MED12L: variants seen among roughly 807,000 people sequenced by gnomAD.
MED12L encodes the protein mediator of RNA polymerase II transcription subunit 12-like protein.
MED12L carries 60 observed loss-of-function variants against 281.3 expected under a neutral mutation model. The observed-to-expected ratio is 0.21, with a 90% CI of 0.17 to 0.26. The LOEUF (loss-of-function observed/expected upper bound fraction) is 0.26, where lower values mean the gene tolerates loss of function less well. Among genes scored for constraint, MED12L ranks in the 10% least tolerant of loss-of-function variants. The pLI is 1.00. For missense variants in MED12L, 2,146 were observed against 2,680.9 expected, an observed-to-expected ratio of 0.80 and a Z score of 4.41; for synonymous variants, 974 against 987.2, an observed-to-expected ratio of 0.99 and a Z score of 0.25.
In MED12L at chr3:151,388,190, G is replaced by A. The variant is rs1713714322; in HGVS notation, c.5451+18G>A. 1.3e-6 allele frequency: 2 copies of A among 1,574,954 alleles called. No homozygotes were observed. The highest frequency in any genetic ancestry group is 1.7e-6 in the Non-Finnish European group (2 of 1,167,140). The stretch of plus-strand genomic sequence containing the variant: ...GAGTTGATGTAAGTGGGGAAAGGAA[G>A]GAGAACCTTGGCTCATTAGCATTTA... On this transcript the variant is annotated intron_variant, in intron 37 of 44. Transcript: ENST00000687756.
Position 151,159,893 on chromosome 3 carries a change from G to T in MED12L, c.899G>T (p.Arg300Leu). The T allele has an allele frequency of 6.2e-7, 1 of 1,614,092 alleles. No individual in the cohort carries two copies. Among genetic ancestry groups the T allele is most frequent in the Non-Finnish European group, 8.5e-7 (1 of 1,180,000 alleles). ...LSRRLAYFCA[R>L]RLSLLLSDSP... ...CGTCGTCTTGCCTACTTTTGTGCCCGGCGTCTTTCCTTGCTGCTGAGCGAT... is the reference window on the plus strand; with the variant it reads ...CGTCGTCTTGCCTACTTTTGTGCCCTGCGTCTTTCCTTGCTGCTGAGCGAT... The change falls in exon 8 of 45, where the codon CGG becomes CTG. Residue 300 changes from arginine to leucine, a missense_variant. Physicochemically the swap from Arg to Leu is moderately radical, Grantham distance 102. Transcript: ENST00000687756.
chr3:151,369,106 A>G (rs897081618), intron 25 of MED12L, among the ~76,000 whole-genome samples: 18 of 152,204 alleles, frequency 1.2e-4, no homozygotes, highest in Non-Finnish European at 2.6e-4. Flanking sequence ...TAAGAATTTT[A>G]GGGGCGTTGG....
At chr3:151,180,002 T>C (rs1242792366) in intron 11 of MED12L, among the ~76,000 whole-genome samples, 2 of 152,194 alleles carry the variant, frequency 1.3e-5, no homozygotes, top group Non-Finnish European at 2.9e-5. Flanking sequence ...TTTTATGATA[T>C]TTAAGAAATA....
chr3:151,433,897 G>A lies in MED12L; in HGVS notation c.*1093G>A, dbSNP rs920714057. On this transcript the variant is annotated 3_prime_UTR_variant, in exon 45 of 45. Transcript: ENST00000687756. ...TTATAAATTGGTGCAAAAAGCACAA[G>A]TAAATTATACATCAAATTTATTATA... is the stretch of plus-strand genomic sequence containing the variant. 2 of 152,642 alleles carry A rather than the reference G, an allele frequency of 1.3e-5. No homozygotes were observed. Among genetic ancestry groups the A allele is most frequent in the Non-Finnish European group, 2.9e-5 (2 of 68,032 alleles). The allele number at this position is 152,642 out of a possible 1,614,324, so 9.5% of individuals were successfully genotyped here. A position where few individuals can be genotyped will look rare whatever the true frequency, so the allele number is the denominator to read the frequency against.
At chr3:151,183,862 T>C (rs1256096548) in intron 11 of MED12L, among the ~76,000 whole-genome samples, 2 of 152,244 alleles carry the variant, frequency 1.3e-5, no homozygotes, top group African/African-American at 2.4e-5. Context: ...AGCATATTAC[T>C]GCTTAGATTA....
chr3:151,419,855 G>T (rs1474742881), intron 43 of MED12L, among the ~76,000 whole-genome samples: 4 of 152,098 alleles, frequency 2.6e-5, no homozygotes, highest in Non-Finnish European at 5.9e-5. Context: ...TAAAGGAAAA[G>T]GAAATAAAAT....
At chr3:151,372,323 A>T (rs1304427207) in intron 26 of MED12L, among the ~76,000 whole-genome samples, 1 of 152,212 alleles carries the variant, frequency 6.6e-6, no homozygotes, top group African/African-American at 2.4e-5. Context: ...TGGTGAAACT[A>T]TAATTATACA....
chr3:151,432,205 C>G (rs556310017), intron 44 of MED12L, among the ~76,000 whole-genome samples: 2 of 152,204 alleles, frequency 1.3e-5, no homozygotes, highest in Non-Finnish European at 1.5e-5. Flanking sequence ...TATCTACTGA[C>G]CATTCCTTGT....
intron 16 of MED12L, among the ~76,000 whole-genome samples, chr3:151,285,676 C>A (rs1577232323): frequency 1.3e-5 from 2 of 151,620 alleles, no homozygotes; most frequent in East Asian, 3.9e-4. Flanking sequence ...CCCCAAAAAC[C>A]TATTGAAATA....
chr3:151,348,375 TATATC>T (rs1752814665), intron 16 of MED12L, among the ~76,000 whole-genome samples: 1 of 111,670 alleles, frequency 9.0e-6, no homozygotes, highest in Non-Finnish European at 1.9e-5. Context: ...AAAAAAGAAA[TATATC>T]AGTAATTCTC....
chr3:151,256,068 A>G (rs923296479), intron 16 of MED12L, among the ~76,000 whole-genome samples: 3 of 152,232 alleles, frequency 2.0e-5, no homozygotes, highest in African/African-American at 7.2e-5. Context: ...AACATATGCT[A>G]GATAGAAATA....
At chr3:151,104,779 A>G (rs1392125888) in intron 2 of MED12L, among the ~76,000 whole-genome samples, 1 of 152,178 alleles carries the variant, frequency 6.6e-6, no homozygotes, top group Non-Finnish European at 1.5e-5. Context: ...TGAAGCCTCT[A>G]GTGCAGGACC....
intron 16 of MED12L, chr3:151,300,228 A>C (rs1745718601): frequency 6.7e-6 from 5 of 749,882 alleles, no homozygotes; most frequent in Non-Finnish European, 1.2e-5. Flanking sequence ...TGAGGAAAAA[A>C]TCATCTGGGA....
intron 16 of MED12L, among the ~76,000 whole-genome samples, chr3:151,331,479 A>G (rs1048867382): frequency 6.6e-6 from 1 of 152,224 alleles, no homozygotes; most frequent in African/African-American, 2.4e-5. Context: ...CAGTGTTGTT[A>G]AAAGAATAAA....
intron 16 of MED12L, among the ~76,000 whole-genome samples, chr3:151,292,065 A>T (rs1295277326): frequency 6.6e-6 from 1 of 152,232 alleles, no homozygotes; most frequent in Non-Finnish European, 1.5e-5. Context: ...GAATGAAAGG[A>T]TTAAATGAGA....
Position 151,213,713 on chromosome 3 carries a change from A to G in MED12L, c.2250+20047A>G, listed in dbSNP as rs898201177. Reference sequence around the variant, plus strand: ...GTGATAGCAGTATAGAAAACGATTAACAAAAGAAACACAATCCAGAAGATG... The same window carrying G: ...GTGATAGCAGTATAGAAAACGATTAGCAAAAGAAACACAATCCAGAAGATG... On this transcript the variant is annotated intron_variant, in intron 16 of 44. Coordinates refer to ENST00000687756, the MANE Select transcript of MED12L (RefSeq NM_001393769.1). 3 of 1,614,088 alleles carry G rather than the reference A, an allele frequency of 1.9e-6. No individual in the cohort carries two copies. The African/African-American group carries it at 4.0e-5, about 22-fold the overall frequency.
At chr3:151,088,940 G>A (rs1719655274) in intron 2 of MED12L, among the ~76,000 whole-genome samples, 1 of 152,150 alleles carries the variant, frequency 6.6e-6, no homozygotes, top group Non-Finnish European at 1.5e-5. Context: ...CAAGCAGACA[G>A]AGTTATGTGT....
At chr3:151,286,746 A>G (rs1743562053) in intron 16 of MED12L, among the ~76,000 whole-genome samples, 1 of 152,238 alleles carries the variant, frequency 6.6e-6, no homozygotes, top group Non-Finnish European at 1.5e-5. Context: ...ACACAGTCCC[A>G]GTTGAAACCT....
At chr3:151,375,787 C>A (rs1464419942) in intron 27 of MED12L, among the ~76,000 whole-genome samples, 1 of 151,944 alleles carries the variant, frequency 6.6e-6, no homozygotes, top group Non-Finnish European at 1.5e-5. Flanking sequence ...TCTTTATTGT[C>A]TTTTCTTTTT....
Sources: allele counts gnomAD v4.1 joint callset (sites outside exome capture counted in the v4.1 genomes callset), GRCh38; gene constraint gnomAD v4.1.1; transcripts MANE v1.5; gene names NCBI Gene and HGNC (gene_info 2026-07-23, HGNC 2026-07-21).